The following PICALM variants were observed in gnomAD, a reference collection of about 807,000 sequenced individuals.
PICALM encodes phosphatidylinositol binding clathrin assembly protein.
Under a neutral mutation model 80.5 loss-of-function variants are expected in PICALM, and 40 were observed. The observed-to-expected ratio is 0.50, with a 90% confidence interval of 0.39 to 0.65. PICALM has a LOEUF of 0.65. Ranked by LOEUF, PICALM falls within the 30% of genes least tolerant of loss-of-function variation. The pLI, the probability that PICALM is intolerant of heterozygous loss-of-function variation, is 0.00. For missense variants in PICALM, 676 were observed against 778.9 expected (o/e 0.87, Z 1.57); for synonymous variants, 288 against 260.3 (o/e 1.11, Z -1.02).
At chr11:86,010,415 C>T (rs543329033) in intron 7 of PICALM, among the ~76,000 whole-genome samples, 17 of 152,056 alleles carry the variant, frequency 1.1e-4, no homozygotes, top group African/African-American at 3.1e-4. Context: ...CAACCTCCGC[C>T]TCCTGGGCTC....
chr11:86,059,028 T>C (rs951929757), intron 1 of PICALM, among the ~76,000 whole-genome samples: 1 of 152,224 alleles, frequency 6.6e-6, no homozygotes, highest in Admixed American at 6.5e-5. Context: ...CAAAACTAAA[T>C]AAGCCTCTTA....
At chr11:86,063,282 G>A (rs902716168) in intron 1 of PICALM, among the ~76,000 whole-genome samples, 2 of 152,082 alleles carry the variant, frequency 1.3e-5, no homozygotes, top group African/African-American at 4.8e-5. Context: ...CACATCTTAT[G>A]AAGTGTTTCA....
At chr11:86,009,130 C>A (rs2095341111) in intron 7 of PICALM, among the ~76,000 whole-genome samples, 1 of 149,724 alleles carries the variant, frequency 6.7e-6, no homozygotes, top group African/African-American at 2.5e-5. Context: ...CATGGTGAAA[C>A]CTCATCTCTA....
intron 1 of PICALM, among the ~76,000 whole-genome samples, chr11:86,041,314 T>C (rs2095961151): frequency 6.6e-6 from 1 of 152,174 alleles, no homozygotes; most frequent in Non-Finnish European, 1.5e-5. Flanking sequence ...GAAAAAAATA[T>C]ATTAGCAATC....
intron 12 of PICALM, among the ~76,000 whole-genome samples, chr11:85,992,801 C>T (rs886934569): frequency 2.6e-5 from 4 of 152,222 alleles, no homozygotes; most frequent in Non-Finnish European, 5.9e-5. Context: ...GTTCTACTGA[C>T]AGATAGGTTT....
intron 1 of PICALM, among the ~76,000 whole-genome samples, chr11:86,066,144 GA>G (rs1056183919): frequency 2.4e-4 from 36 of 152,144 alleles, no homozygotes; most frequent in African/African-American, 8.4e-4. Context: ...TCAACACCAT[GA>G]ACTGTCCGTA....
chr11:85,991,888 GCT>G (rs1202165343), intron 12 of PICALM, among the ~76,000 whole-genome samples: 6 of 152,160 alleles, frequency 3.9e-5, no homozygotes, highest in African/African-American at 7.2e-5. Flanking sequence ...AGTGGGTCTT[GCT>G]CTGTTGCCCA....
intron 19 of PICALM, among the ~76,000 whole-genome samples, chr11:85,973,329 G>C (rs1452159887): frequency 6.6e-6 from 1 of 152,160 alleles, no homozygotes; most frequent in Non-Finnish European, 1.5e-5. Context: ...ATGAAATACA[G>C]TCCACTATTT....
chr11:86,056,134 T>TAAAAA lies in PICALM; in HGVS notation c.130+12516_130+12517insTTTTT, dbSNP rs376759395. 6.1e-3 allele frequency among the ~76,000 whole-genome samples: 467 copies of TAAAAA among 76,826 alleles called. 42 individuals are homozygous for TAAAAA. The highest frequency in any genetic ancestry group is 0.015 in the African/African-American group (303 of 20,508). 50.4% of individuals were successfully genotyped at this position (76,826 alleles called of 152,430 possible). A position where few individuals can be genotyped will look rare whatever the true frequency, so the allele number is the denominator to read the frequency against. ...TGGGTGACAGAACAAGACTCTGTCT[T>TAAAAA]TAAAAAAAAAAAAAAAGAAAAAACC... On this transcript the variant is annotated intron_variant, in intron 1 of 19. Transcript: ENST00000393346.
At position 85,990,253 on chromosome 11, in the gene PICALM, C is replaced by A; in HGVS notation, c.1405G>T (p.Val469Phe). 2 of 1,580,274 alleles carry A rather than the reference C, an allele frequency of 1.3e-6. No homozygotes were observed. The highest frequency in any genetic ancestry group is 1.7e-4 in the Middle Eastern group (1 of 5,954). The change falls in exon 13 of 20, where the codon GTT becomes TTT. Residue 469 changes from valine (V) to phenylalanine (F), a missense_variant. By Grantham distance (50) the Val-to-Phe change is conservative (BLOSUM62 -1). Coordinates refer to ENST00000393346, the MANE Select transcript of PICALM (RefSeq NM_007166.4). ...TTRTPTHEMF[V>F]GFTPSPVAQP... ...AAAAGGTTAAATGGTACTTTACCAA[C>A]AAACATTTCATGAGTAGGTGTCCTA... is the stretch of plus-strand genomic sequence containing the variant.
intron 17 of PICALM, chr11:85,978,326 T>C (rs957275119): frequency 1.6e-5 from 6 of 384,898 alleles, no homozygotes; most frequent in African/African-American, 6.2e-5. Flanking sequence ...AAATAGTTTA[T>C]TGATTACAAG....
At chr11:86,031,942 A>G (rs2095758106) in intron 1 of PICALM, among the ~76,000 whole-genome samples, 2 of 152,144 alleles carry the variant, frequency 1.3e-5, no homozygotes, top group African/African-American at 4.8e-5. Context: ...CTACTTAAAA[A>G]CCTTCCATTA....
At chr11:86,059,373 C>T (rs1037437274) in intron 1 of PICALM, among the ~76,000 whole-genome samples, 1 of 152,224 alleles carries the variant, frequency 6.6e-6, no homozygotes, top group Non-Finnish European at 1.5e-5. Context: ...ATAGCCACTA[C>T]AGTTTAACAA....
intron 1 of PICALM, among the ~76,000 whole-genome samples, chr11:86,032,167 AT>A (rs2095763115): frequency 1.3e-5 from 2 of 152,162 alleles, no homozygotes; most frequent in Admixed American, 1.3e-4. Flanking sequence ...CATACAAAAG[AT>A]TTATACTCCT....
intron 1 of PICALM, among the ~76,000 whole-genome samples, chr11:86,049,802 T>G (rs979763581): frequency 7.3e-5 from 11 of 150,868 alleles, no homozygotes; most frequent in African/African-American, 2.7e-4. Flanking sequence ...AGATGCAATC[T>G]GAAGGTAGAT....
chr11:85,976,366 T>C (rs374850691), intron 18 of PICALM, among the ~76,000 whole-genome samples: 2 of 152,152 alleles, frequency 1.3e-5, no homozygotes, highest in East Asian at 1.9e-4. Flanking sequence ...ACATTAATGT[T>C]TGAAATATAA....
chr11:85,987,266 C>A (rs1231639535), intron 13 of PICALM, among the ~76,000 whole-genome samples: 1 of 152,160 alleles, frequency 6.6e-6, no homozygotes, highest in Non-Finnish European at 1.5e-5. Flanking sequence ...AGAGAGATTA[C>A]ATAATGTACC....
At chr11:85,976,312 A>C (rs777861749) in intron 18 of PICALM, among the ~76,000 whole-genome samples, 14 of 152,224 alleles carry the variant, frequency 9.2e-5, no homozygotes, top group Non-Finnish European at 1.6e-4. Context: ...ATAAGACCTC[A>C]CTGGTATTTA....
At chr11:86,008,989 G>T (rs1320618578) in intron 7 of PICALM, among the ~76,000 whole-genome samples, 1 of 150,804 alleles carries the variant, frequency 6.6e-6, no homozygotes, top group Non-Finnish European at 1.5e-5. Flanking sequence ...TAAGGTAAGG[G>T]ACTCTTCATA....
Sources: gnomAD v4.1 joint callset for allele counts (sites outside exome capture counted in the v4.1 genomes callset) on GRCh38, gnomAD v4.1.1 for gene constraint, MANE v1.5 for transcripts, NCBI Gene and HGNC (gene_info 2026-07-23, HGNC 2026-07-21) for gene names.